Variants in ABCG1 observed in about 807,000 individuals in gnomAD.
The protein encoded by ABCG1 is ATP binding cassette subfamily G member 1.
In ABCG1, 29 loss-of-function variants were observed where a neutral mutation model predicts 69.2. That is an observed-to-expected ratio of 0.42 (90% CI 0.31 to 0.57). The LOEUF (loss-of-function observed/expected upper bound fraction) is 0.57. ABCG1 is among the 20% of genes least tolerant of loss of function. ABCG1 has a pLI of 0.15. For missense variants in ABCG1, 718 were observed against 898.1 expected, an observed-to-expected ratio of 0.80 and a Z score of 2.56; for synonymous variants, 370 against 374.8, an observed-to-expected ratio of 0.99 and a Z score of 0.15.
intron 2 of ABCG1, among the ~76,000 whole-genome samples, chr21:42,251,792 C>T (rs1193446689): frequency 1.3e-5 from 2 of 152,254 alleles, no homozygotes; most frequent in Non-Finnish European, 2.9e-5. Context: ...AGCCCCTACT[C>T]TTCCCAGGCA....
chr21:42,207,313 T>A (rs556192303), intron 2 of ABCG1, among the ~76,000 whole-genome samples: 1 of 152,344 alleles, frequency 6.6e-6, no homozygotes, highest in East Asian at 1.9e-4. Context: ...TTTCTATTGT[T>A]CCATTTCCCA....
chr21:42,281,232 G>T (rs948437739), intron 5 of ABCG1, among the ~76,000 whole-genome samples: 2 of 152,214 alleles, frequency 1.3e-5, no homozygotes, highest in Non-Finnish European at 2.9e-5. Flanking sequence ...CTGGAGTAGG[G>T]TCCGCTTGCT....
In ABCG1 at chr21:42,223,681, G is replaced by A. The variant is rs146466416; in HGVS notation, c.43-1990G>A. On this transcript the variant is annotated intron_variant, in intron 1 of 14. Coordinates refer to ENST00000398449, the MANE Select transcript of ABCG1 (RefSeq NM_016818.3). Reference sequence around the variant, plus strand: ...GCTTGCCAGGTCAGGGGCCATGTCTGCCTGGCTAATTGCTGACCCCAGGGC... The same window carrying A: ...GCTTGCCAGGTCAGGGGCCATGTCTACCTGGCTAATTGCTGACCCCAGGGC... Among the ~76,000 whole-genome samples, 79 of 152,326 alleles carry A rather than the reference G, an allele frequency of 5.2e-4. 1 individual carries two copies. In the East Asian group the frequency reaches 0.013, roughly 25 times the overall value.
chr21:42,214,812 C>A (rs1179682755), upstream of ABCG1, among the ~76,000 whole-genome samples: 1 of 152,218 alleles, frequency 6.6e-6, no homozygotes, highest in East Asian at 1.9e-4. Flanking sequence ...CATTCTCCTA[C>A]CCAGTTTCCA....
chr21:42,226,154 T>C (rs1202402048), intron 2 of ABCG1, among the ~76,000 whole-genome samples: 1 of 152,154 alleles, frequency 6.6e-6, no homozygotes, highest in Non-Finnish European at 1.5e-5. Context: ...GCGATGTCAT[T>C]ATGGAGAATT....
At position 42,267,594 on chromosome 21, in the gene ABCG1, ATCTGGGTTCTGTCTGGGTGTGG is replaced by A. The variant is rs1569227526; in HGVS notation, c.287-3435_287-3414del. Among the ~76,000 whole-genome samples, 62 of 35,340 alleles carry A rather than the reference ATCTGGGTTCTGTCTGGGTGTGG, an allele frequency of 1.8e-3. 1 individual carries two copies. The highest frequency in any genetic ancestry group is 2.9e-3 in the South Asian group (3 of 1,040). The allele number at this position is 35,340 out of a possible 152,430, so 23.2% of individuals were successfully genotyped here. ...GTGGTCTGGGTTCTTTCTGGGTCTG[ATCTGGGTTCTGTCTGGGTGTGG>A]TCTGGGTTCTGTCTGGGTGTGGTCT... On this transcript the variant is annotated intron_variant, in intron 2 of 14. Coordinates refer to ENST00000398449, the MANE Select transcript of ABCG1 (RefSeq NM_016818.3).
At chr21:42,246,944 A>G (rs894215589) in intron 2 of ABCG1, among the ~76,000 whole-genome samples, 1 of 152,214 alleles carries the variant, frequency 6.6e-6, no homozygotes, top group African/African-American at 2.4e-5. Context: ...TACAATTAAA[A>G]TGAAGCCACA....
intron 2 of ABCG1, chr21:42,260,226 G>A (rs1044414320): frequency 1.3e-6 from 2 of 1,537,944 alleles, no homozygotes; most frequent in Non-Finnish European, 8.8e-7. Flanking sequence ...CAACCCTGCA[G>A]GTGGCATTGG....
In ABCG1 at chr21:42,296,376, T is replaced by C; in HGVS notation, c.1985T>C (p.Ile662Thr). The part of the protein sequence containing the change: ...LIAYFVLRYK[I>T]RAER ...GCCTATTTTGTCCTCAGGTACAAAA[T>C]CCGGGCAGAGAGGTAAAACACCTGA... The change falls in exon 15 of 15, where the codon ATC (isoleucine) becomes ACC (threonine). Residue 662 changes from isoleucine (I) to threonine (T), a missense_variant. By Grantham distance (89) the Ile-to-Thr change is moderately conservative. Transcript: ENST00000398449. This position sits in a 1 kb window ranked among gnomAD's most constrained non-coding sequence, Gnocchi z 5.4. The C allele has an allele frequency of 3.7e-6, 6 of 1,613,798 alleles. No individual in the cohort carries two copies. The highest frequency in any genetic ancestry group is 5.1e-6 in the Non-Finnish European group (6 of 1,179,998).
At chr21:42,226,941 A>G (rs2067826556) in intron 2 of ABCG1, among the ~76,000 whole-genome samples, 1 of 152,240 alleles carries the variant, frequency 6.6e-6, no homozygotes, top group African/African-American at 2.4e-5. Context: ...AGACCAATCA[A>G]GACTCACGTT....
intron 8 of ABCG1, among the ~76,000 whole-genome samples, chr21:42,286,698 T>A (rs1375745209): frequency 6.6e-6 from 1 of 151,446 alleles, no homozygotes. Flanking sequence ...GGAGGTGAGG[T>A]CTGAAGCCTG....
Position 42,285,871 on chromosome 21 carries a change from T to G in ABCG1, c.859-9T>G, listed in dbSNP as rs1172708790. The G allele has an allele frequency of 6.2e-7, 1 of 1,606,842 alleles. No homozygotes were observed. Among genetic ancestry groups the G allele is most frequent in the Admixed American group, 1.7e-5 (1 of 59,970 alleles). ...GGCTTGATCCCTTTTTCTCCTTCCT[T>G]TTTTCCAGCTTTACGTCCTGAGTCA... On this transcript the variant is annotated splice_polypyrimidine_tract_variant and intron_variant, in intron 7 of 14. Coordinates refer to ENST00000398449, the MANE Select transcript of ABCG1 (RefSeq NM_016818.3).
chr21:42,272,950 G>A (rs1395529243), intron 3 of ABCG1, among the ~76,000 whole-genome samples: 2 of 152,218 alleles, frequency 1.3e-5, no homozygotes, highest in Non-Finnish European at 1.5e-5. Flanking sequence ...CACAAATCCA[G>A]GGGCTGTACA....
chr21:42,214,612 T>C (rs2067620323), upstream of ABCG1, among the ~76,000 whole-genome samples: 1 of 152,178 alleles, frequency 6.6e-6, no homozygotes, highest in Non-Finnish European at 1.5e-5. Context: ...GGCACGGTGT[T>C]CATCCCTGTC....
At chr21:42,229,719 C>CAAA (rs111626580) in intron 2 of ABCG1, among the ~76,000 whole-genome samples, 15 of 143,724 alleles carry the variant, frequency 1.0e-4, no homozygotes, top group African/African-American at 3.8e-4. Flanking sequence ...GACTCTGTCT[C>CAAA]AAAAAAAAAA....
intron 2 of ABCG1, among the ~76,000 whole-genome samples, chr21:42,265,551 C>A (rs1025647168): frequency 3.9e-5 from 6 of 152,168 alleles, no homozygotes; most frequent in African/African-American, 1.4e-4. Flanking sequence ...CCTGGAGCAC[C>A]AGCGGCTGGC....
intron 2 of ABCG1, among the ~76,000 whole-genome samples, chr21:42,244,450 C>A (rs758869815): frequency 2.6e-5 from 4 of 152,212 alleles, no homozygotes; most frequent in Non-Finnish European, 5.9e-5. Context: ...GTTAACACAG[C>A]CATTGCCTTG....
intron 2 of ABCG1, among the ~76,000 whole-genome samples, chr21:42,208,337 T>C (rs1237647661): frequency 1.7e-4 from 26 of 152,130 alleles, no homozygotes. Context: ...CACCACAGTG[T>C]GGCTCTTTGG....
chr21:42,201,674 T>C, exon 2 of ABCG1: 1 of 1,611,906 alleles, frequency 6.2e-7, no homozygotes, highest in Non-Finnish European at 8.5e-7. Context: ...GAGCTGTTCT[T>C]GATGCTGGGA....
Sources: allele counts gnomAD v4.1 joint callset (sites outside exome capture counted in the v4.1 genomes callset), GRCh38; gene constraint gnomAD v4.1.1; non-coding constraint Gnocchi (gnomAD v3.1); transcripts MANE v1.5; gene names NCBI Gene and HGNC (gene_info 2026-07-23, HGNC 2026-07-21).